CCDC88C: variants seen among roughly 807,000 people sequenced by gnomAD.
The protein encoded by CCDC88C is coiled-coil and HOOK domain protein 88C.
A neutral mutation model predicts 198.8 loss-of-function variants in CCDC88C; 131 were observed. The observed-to-expected ratio is 0.66, with a 90% confidence interval of 0.57 to 0.76. CCDC88C has a LOEUF of 0.76. CCDC88C is among the 30% of genes least tolerant of loss of function. The pLI is 0.00. For missense variants in CCDC88C, 2,553 were observed against 2,631.6 expected (o/e 0.97, Z 0.65); for synonymous variants, 1,166 against 1,114.7 (o/e 1.05, Z -0.92).
At position 91,293,551 on chromosome 14, in the gene CCDC88C, TCC is replaced by T. The variant is rs1246909365; in HGVS notation, c.4112+620_4112+621del. On this transcript the variant is annotated intron_variant, in intron 23 of 29. Coordinates refer to ENST00000389857, the MANE Select transcript of CCDC88C (RefSeq NM_001080414.4). ...TCACCTGCCACGGCCCACCTTCCTG[TCC>T]CCTCGCCTGCCACGGCCCACCTTCC... 2.1e-3 allele frequency among the ~76,000 whole-genome samples: 13 copies of T among 6,220 alleles called. 1 individual carries two copies. The South Asian group carries it at 0.021, about 10-fold the overall frequency. 4.1% of individuals were successfully genotyped at this position (6,220 alleles called of 152,430 possible).
intron 3 of CCDC88C, among the ~76,000 whole-genome samples, chr14:91,400,966 A>T (rs1301510081): frequency 6.6e-6 from 1 of 152,114 alleles, no homozygotes; most frequent in Non-Finnish European, 1.5e-5. Flanking sequence ...CAATGATAGT[A>T]GTTACACCCA....
chr14:91,279,487 G>A (rs904325573), intron 27 of CCDC88C, 181 bp from the exon 28 acceptor site: 11 of 564,154 alleles, frequency 1.9e-5, no homozygotes, highest in African/African-American at 5.7e-5. Flanking sequence ...CTTCACCAAC[G>A]GAGTGCTGGG....
At position 91,342,473 on chromosome 14, in the gene CCDC88C, G is replaced by T; in HGVS notation, c.400-10C>A. 6 of 1,542,008 alleles carry T rather than the reference G, an allele frequency of 3.9e-6. No homozygotes were observed. The highest frequency in any genetic ancestry group is 5.3e-6 in the Non-Finnish European group (6 of 1,128,770). On this transcript the variant is annotated splice_polypyrimidine_tract_variant and intron_variant, in intron 5 of 29. Transcript: ENST00000389857. ...CCTCTTTCCTCTCACACTGCGGAGG[G>T]TTACATGTGTTAATGGAAGCGCTGT...
intron 3 of CCDC88C, among the ~76,000 whole-genome samples, chr14:91,368,248 C>T (rs959278824): frequency 5.9e-5 from 9 of 152,206 alleles, no homozygotes; most frequent in African/African-American, 2.2e-4. Context: ...CTGCTAATTC[C>T]TGTGCCTTGA....
intron 4 of CCDC88C, among the ~76,000 whole-genome samples, chr14:91,344,683 T>C (rs564317842): frequency 2.0e-5 from 3 of 151,568 alleles, no homozygotes; most frequent in African/African-American, 7.3e-5. Context: ...AGCTAATTTT[T>C]TGTATTTTTA....
intron 3 of CCDC88C, among the ~76,000 whole-genome samples, chr14:91,383,097 C>T (rs1884904253): frequency 6.6e-6 from 1 of 152,216 alleles, no homozygotes; most frequent in Non-Finnish European, 1.5e-5. Flanking sequence ...CACCTTCCAG[C>T]CCAGTGCCTT....
intron 13 of CCDC88C, among the ~76,000 whole-genome samples, chr14:91,319,124 T>A (rs140080834): frequency 6.6e-6 from 1 of 152,294 alleles, no homozygotes; most frequent in Non-Finnish European, 1.5e-5. Context: ...CTCCCTCGAC[T>A]GGAATCTGAC....
In CCDC88C at chr14:91,381,554, C is replaced by G. The variant is rs10151453; in HGVS notation, c.271-21843G>C. 2.6e-5 allele frequency among the ~76,000 whole-genome samples: 4 copies of G among 152,170 alleles called. No individual in the cohort carries two copies. The highest frequency in any genetic ancestry group is 2.0e-4 in the Admixed American group (3 of 15,288). ...TTCCATTCAAGCCGGGCCTTTTGGC[C>G]GGGTGCGGTGGCTCATGCCTGTAAT... is the stretch of plus-strand genomic sequence containing the variant. On this transcript the variant is annotated intron_variant, in intron 3 of 29. Transcript: ENST00000389857. This position sits in a 1 kb window ranked among gnomAD's most constrained non-coding sequence, Gnocchi z 4.2.
At chr14:91,336,492 A>T (rs1392776315) in intron 10 of CCDC88C, among the ~76,000 whole-genome samples, 1 of 152,210 alleles carries the variant, frequency 6.6e-6, no homozygotes, top group Non-Finnish European at 1.5e-5. Context: ...TGTGCATGAC[A>T]GTCCCCAGCC....
At chr14:91,277,255 T>A (rs778585577) in intron 29 of CCDC88C, among the ~76,000 whole-genome samples, 1 of 152,220 alleles carries the variant, frequency 6.6e-6, no homozygotes, top group African/African-American at 2.4e-5. Context: ...ACTCAGGTGA[T>A]CTGCCCACCT....
rs201806419 is a variant in CCDC88C at position 91,313,472 on chromosome 14, T to C, written c.2344A>G (p.Thr782Ala). 2 of 1,607,942 alleles carry C rather than the reference T, an allele frequency of 1.2e-6. No individual in the cohort carries two copies. The highest frequency in any genetic ancestry group is 3.3e-5 in the Admixed American group (2 of 60,030). Residue 782 changes from threonine to alanine, a missense_variant, in exon 15 of 30, where the codon ACG (threonine) becomes GCG (alanine). Transcript: ENST00000389857. The surrounding 1 kb of genome is among the most constrained non-coding windows in gnomAD (Gnocchi z 5.2). ...CCCAGCTCACTCTCCAAGGTCTGCG[T>C]CTTGTGGCTGCTGCTCTCCAGGCTC... ...QQSLESSSHKTQTLESELGEL... is the reference protein window; with the variant it reads ...QQSLESSSHKAQTLESELGEL...
intron 2 of CCDC88C, among the ~76,000 whole-genome samples, chr14:91,415,321 G>A (rs1033206338): frequency 6.6e-6 from 1 of 151,986 alleles, no homozygotes; most frequent in Admixed American, 6.6e-5. Flanking sequence ...ATCAGACACT[G>A]AAGACTGGTA....
intron 3 of CCDC88C, among the ~76,000 whole-genome samples, chr14:91,368,693 T>C (rs1194513438): frequency 1.3e-5 from 2 of 152,258 alleles, no homozygotes; most frequent in East Asian, 1.9e-4. Context: ...GGGATGCTTT[T>C]TGAGGGCCCC....
chr14:91,387,846 C>T (rs1221967080), intron 3 of CCDC88C, among the ~76,000 whole-genome samples: 1 of 152,176 alleles, frequency 6.6e-6, no homozygotes, highest in Non-Finnish European at 1.5e-5. Context: ...GTTGGCTAAA[C>T]GAGGAGCAGC....
chr14:91,321,777 G>A (rs994200012), intron 12 of CCDC88C, among the ~76,000 whole-genome samples: 2 of 152,184 alleles, frequency 1.3e-5, no homozygotes, highest in Non-Finnish European at 2.9e-5. Context: ...TGGAACATGT[G>A]TCGGGCACTT....
intron 3 of CCDC88C, among the ~76,000 whole-genome samples, chr14:91,385,474 A>C (rs1885075136): frequency 6.6e-6 from 1 of 151,998 alleles, no homozygotes; most frequent in South Asian, 2.1e-4. Context: ...ACACAGTGCC[A>C]GATGTCTCGC....
chr14:91,318,317 G>A (rs141159408), intron 13 of CCDC88C, among the ~76,000 whole-genome samples: 188 of 152,188 alleles, frequency 1.2e-3, no homozygotes, highest in African/African-American at 4.3e-3. Context: ...TCGGGAGGCT[G>A]ATGTGGGAGG....
chr14:91,275,678 T>C (rs1312173622), intron 29 of CCDC88C, among the ~76,000 whole-genome samples: 20 of 151,734 alleles, frequency 1.3e-4, no homozygotes, highest in Admixed American at 1.2e-3. Flanking sequence ...GGGGTTTCAT[T>C]GTATCTTTAG....
chr14:91,307,949 C>A (rs796609435), intron 17 of CCDC88C, among the ~76,000 whole-genome samples: 2 of 152,264 alleles, frequency 1.3e-5, no homozygotes, highest in African/African-American at 2.4e-5. Context: ...AATACGTGTG[C>A]ATGCATGCAC....
Sources: gnomAD v4.1 joint callset for allele counts (sites outside exome capture counted in the v4.1 genomes callset) on GRCh38, gnomAD v4.1.1 for gene constraint, Gnocchi (gnomAD v3.1) non-coding constraint, MANE v1.5 for transcripts, NCBI Gene and HGNC (gene_info 2026-07-23, HGNC 2026-07-21) for gene names.